Variants in IGF2BP1 observed in about 807,000 individuals in gnomAD.
The protein encoded by IGF2BP1 is insulin like growth factor 2 mRNA binding protein 1, also known as insulin-like growth factor 2 mRNA-binding protein 1.
Under a neutral mutation model 74.9 loss-of-function variants are expected in IGF2BP1, and 11 were observed. The observed-to-expected ratio is 0.15, with a 90% CI of 0.09 to 0.24. IGF2BP1 has a LOEUF of 0.24. IGF2BP1 is among the 10% of genes least tolerant of loss of function. The pLI, the probability that IGF2BP1 is intolerant of heterozygous loss-of-function variation, is 1.00. For missense variants in IGF2BP1, 440 were observed against 757.4 expected (o/e 0.58, Z 4.92); for synonymous variants, 287 against 281.8 (o/e 1.02, Z -0.18).
chr17:49,002,699 ATTT>A (rs60312699), intron 2 of IGF2BP1, among the ~76,000 whole-genome samples: 9 of 139,210 alleles, frequency 6.5e-5, no homozygotes, highest in Non-Finnish European at 3.2e-5. Flanking sequence ...TTAGGTTAGA[ATTT>A]TTTTTTTTTT....
intron 2 of IGF2BP1, among the ~76,000 whole-genome samples, chr17:49,016,839 C>T (rs1451245136): frequency 6.8e-6 from 1 of 147,866 alleles, no homozygotes; most frequent in East Asian, 2.0e-4. Flanking sequence ...GTCCTCCCGC[C>T]TGTCTGGCTG....
chr17:49,046,133 T>C, intron 13 of IGF2BP1, 112 bp downstream of exon 13: 1 of 1,471,594 alleles, frequency 6.8e-7, no homozygotes, highest in Non-Finnish European at 9.4e-7. Flanking sequence ...CTCATTTACT[T>C]GATTCTACTC....
chr17:49,042,852 A>T (rs1342486004), intron 9 of IGF2BP1, among the ~76,000 whole-genome samples: 5 of 151,856 alleles, frequency 3.3e-5, no homozygotes, highest in African/African-American at 7.3e-5. Context: ...CTAATTTTTT[A>T]AAATTTTATT....
At chr17:49,011,146 A>AAAAAC (rs2041613572) in intron 2 of IGF2BP1, among the ~76,000 whole-genome samples, 1 of 102,332 alleles carries the variant, frequency 9.8e-6, no homozygotes, top group African/African-American at 4.3e-5. Context: ...TCAAAAAAAA[A>AAAAAC]AAAAAAAAAA....
intron 2 of IGF2BP1, among the ~76,000 whole-genome samples, chr17:49,009,791 T>C (rs963775651): frequency 6.6e-6 from 1 of 151,454 alleles, no homozygotes; most frequent in African/African-American, 2.4e-5. Flanking sequence ...TTTTGTGACA[T>C]AAACATACCT....
chr17:49,021,113 A>G (rs2041786356), intron 2 of IGF2BP1, among the ~76,000 whole-genome samples: 1 of 151,916 alleles, frequency 6.6e-6, no homozygotes. Context: ...ACTGCACTCC[A>G]GCCTGGATGA....
In IGF2BP1 at chr17:49,045,880, C is replaced by T. The variant is rs1205650595; in HGVS notation, c.1396-10C>T. ...TGAACCACTGATTAACAATTACCTC[C>T]TCTTCTCAGGCTCAGGGAAGAATCT... On this transcript the variant is annotated splice_polypyrimidine_tract_variant and intron_variant, in intron 12 of 14. Coordinates refer to ENST00000290341, the MANE Select transcript of IGF2BP1 (RefSeq NM_006546.4). 1 of 1,612,618 alleles carries T rather than the reference C, an allele frequency of 6.2e-7. No individual in the cohort carries two copies. Among genetic ancestry groups the T allele is most frequent in the Non-Finnish European group, 8.5e-7 (1 of 1,179,244 alleles).
intron 5 of IGF2BP1, among the ~76,000 whole-genome samples, chr17:49,033,469 G>A (rs987436622): frequency 6.6e-6 from 1 of 152,070 alleles, no homozygotes; most frequent in South Asian, 2.1e-4. Flanking sequence ...AGTCTCCTGA[G>A]TAGCTGGGAT....
chr17:49,033,624 T>C (rs1260660535), intron 5 of IGF2BP1, among the ~76,000 whole-genome samples: 1 of 151,502 alleles, frequency 6.6e-6, no homozygotes, highest in Non-Finnish European at 1.5e-5. Context: ...ATTACAGGAG[T>C]GAGCCACCGC....
At chr17:49,012,392 G>A (rs1234696627) in intron 2 of IGF2BP1, 1 of 152,214 alleles carries the variant, frequency 6.6e-6, no homozygotes, top group East Asian at 1.9e-4. Context: ...AGATGTGTAA[G>A]GTGTGGGATC....
intron 2 of IGF2BP1, chr17:49,017,801 G>T (rs778483517): frequency 5.3e-5 from 8 of 151,680 alleles, no homozygotes; most frequent in Non-Finnish European, 1.0e-4. Flanking sequence ...GTAGAGATGG[G>T]GTTTCACCAT....
At chr17:49,008,902 A>G (rs1044301535) in intron 2 of IGF2BP1, among the ~76,000 whole-genome samples, 1 of 152,026 alleles carries the variant, frequency 6.6e-6, no homozygotes, top group Non-Finnish European at 1.5e-5. Context: ...GCATTCATCC[A>G]GTTATTTTTA....
At chr17:49,044,921 C>A in intron 11 of IGF2BP1, 70 bp from the exon 12 acceptor site, 1 of 1,320,066 alleles carries the variant, frequency 7.6e-7, no homozygotes, top group Non-Finnish European at 1.1e-6. Context: ...AGAAGGGGAA[C>A]TGGATGAAGT....
chr17:49,043,769 C>T (rs995251998), intron 10 of IGF2BP1, among the ~76,000 whole-genome samples, 198 bp from the exon 11 acceptor site: 3 of 152,182 alleles, frequency 2.0e-5, no homozygotes, highest in African/African-American at 7.2e-5. Flanking sequence ...GCACTGTTCC[C>T]TTACTCTCTC....
intron 5 of IGF2BP1, among the ~76,000 whole-genome samples, chr17:49,037,894 A>G (rs1262155548): frequency 6.6e-6 from 1 of 152,204 alleles, no homozygotes; most frequent in East Asian, 1.9e-4. Flanking sequence ...CTGGAAGCCC[A>G]TTTCTCTGAT....
intron 5 of IGF2BP1, among the ~76,000 whole-genome samples, chr17:49,034,716 A>G (rs2041963830): frequency 2.0e-5 from 3 of 150,788 alleles, no homozygotes. Flanking sequence ...TGGCCTGGGT[A>G]ACAGAGTAAG....
In IGF2BP1 at chr17:49,017,402, A is replaced by G. The variant is rs577060611; in HGVS notation, c.237-8216A>G. ...CCCAGCACTGTCCAATAGAAATGCA[A>G]TGTGAGCCATACATGTAAGTTTCTA... On this transcript the variant is annotated intron_variant, in intron 2 of 14. Coordinates refer to ENST00000290341, the MANE Select transcript of IGF2BP1 (RefSeq NM_006546.4). Among the ~76,000 whole-genome samples the G allele has an allele frequency of 6.1e-3, 927 of 152,278 alleles. 3 individuals carry two copies. Among genetic ancestry groups the G allele is most frequent in the South Asian group, 0.012 (58 of 4,820 alleles).
At chr17:49,008,938 A>G (rs1047121873) in intron 2 of IGF2BP1, among the ~76,000 whole-genome samples, 1 of 152,018 alleles carries the variant, frequency 6.6e-6, no homozygotes, top group Non-Finnish European at 1.5e-5. Context: ...CTATTGCATG[A>G]TATGCCCTTT....
chr17:49,043,621 G>T (rs773284383), intron 10 of IGF2BP1, 71 bp downstream of exon 10: 32 of 1,556,210 alleles, frequency 2.1e-5, no homozygotes, highest in Non-Finnish European at 2.6e-5. Context: ...GACTCAGCAT[G>T]CTCTGGGAGT....
Sources: gnomAD v4.1 joint callset for allele counts (sites outside exome capture counted in the v4.1 genomes callset) on GRCh38, gnomAD v4.1.1 for gene constraint, MANE v1.5 for transcripts, NCBI Gene and HGNC (gene_info 2026-07-23, HGNC 2026-07-21) for gene names.